The following CHD2 variants were observed in gnomAD, a reference collection of about 807,000 sequenced individuals.
CHD2 encodes the protein ATP-dependent chromatin remodeler CHD2.
In CHD2, 28 loss-of-function variants were observed where a neutral mutation model predicts 243.9. The observed-to-expected ratio is 0.11, with a 90% CI of 0.09 to 0.16. CHD2 has a LOEUF of 0.16. Among genes scored for constraint, CHD2 ranks in the 10% least tolerant of loss-of-function variants. The probability of loss-of-function intolerance (pLI) is 1.00; values close to 1 mark genes in which losing one functional copy is unlikely to be tolerated. For synonymous variants in CHD2, 775 were observed against 779.0 expected (o/e 0.99, Z 0.09); for missense variants, 1,386 against 2,209.8 (o/e 0.63, Z 7.47).
rs1229230473 is a variant in CHD2 at position 93,000,626 on chromosome 15, G to A, written c.4123G>A (p.Glu1375Lys). Residue 1375 changes from glutamate to lysine, a missense_variant, in exon 32 of 39, where the codon GAG (glutamate) becomes AAG (lysine). Glu to Lys is a moderately conservative substitution (Grantham distance 56, BLOSUM62 1). Around this residue, in one of 19 missense-constraint regions of CHD2, gnomAD observed 125 missense variants for 128.9 expected, o/e 0.97. Transcript: ENST00000394196. Reference sequence around the variant, plus strand: ...TAGGCATTCAGATAATCCATCAGAAGAGGGAGAAGTGAAAGTATGAAGTGG... The same window carrying A: ...TAGGCATTCAGATAATCCATCAGAAAAGGGAGAAGTGAAAGTATGAAGTGG... The part of the protein sequence containing the change: ...SPRHSDNPSE[E>K]GEVKDDGLEK... 1 of 1,612,144 alleles carries A rather than the reference G, an allele frequency of 6.2e-7. No individual in the cohort carries two copies. The highest frequency in any genetic ancestry group is 1.1e-5 in the South Asian group (1 of 90,876).
chr15:93,019,904 G>GC (rs1422621052), intron 37 of CHD2, 108 bp from the exon 38 acceptor site: 1 of 1,366,214 alleles, frequency 7.3e-7, no homozygotes, highest in African/African-American at 1.5e-5. Context: ...CTGCACTCCA[G>GC]CCTGGGCAAA....
At chr15:93,005,548 T>C (rs1488214213) in intron 34 of CHD2, among the ~76,000 whole-genome samples, 1 of 152,122 alleles carries the variant, frequency 6.6e-6, no homozygotes, top group African/African-American at 2.4e-5. Flanking sequence ...GAAAAAGCGG[T>C]TTTCTTTCAA....
chr15:93,001,846 C>T (rs1261657843), intron 32 of CHD2, among the ~76,000 whole-genome samples: 1 of 152,146 alleles, frequency 6.6e-6, no homozygotes, highest in African/African-American at 2.4e-5. Context: ...ATACTAGCAA[C>T]CTAATCAGTT....
intron 26 of CHD2, among the ~76,000 whole-genome samples, chr15:92,986,767 A>T (rs1320962755): frequency 6.6e-6 from 1 of 152,198 alleles, no homozygotes; most frequent in African/African-American, 2.4e-5. Context: ...TCTCTTGCAC[A>T]GGCTGGAGTA....
intron 26 of CHD2, among the ~76,000 whole-genome samples, chr15:92,990,970 A>C (rs2141859235): frequency 6.6e-6 from 1 of 152,346 alleles, no homozygotes; most frequent in Non-Finnish European, 1.5e-5. Context: ...ATCATATTTT[A>C]CTGTGCCTTA....
chr15:92,932,973 C>T (rs1349337094), intron 5 of CHD2, among the ~76,000 whole-genome samples: 1 of 151,772 alleles, frequency 6.6e-6, no homozygotes, highest in African/African-American at 2.4e-5. Flanking sequence ...GAACTCCTGA[C>T]CTCAGGTGAT....
intron 2 of CHD2, among the ~76,000 whole-genome samples, chr15:92,922,960 C>T (rs1462659222): frequency 6.6e-6 from 1 of 152,078 alleles, no homozygotes; most frequent in Non-Finnish European, 1.5e-5. Flanking sequence ...GGTTGCTGCT[C>T]CCTATGGGAT....
At chr15:92,902,063 A>G (rs2052536293) in intron 2 of CHD2, 1 of 395,650 alleles carries the variant, frequency 2.5e-6, no homozygotes, top group African/African-American at 2.1e-5. Flanking sequence ...CATTTAAATT[A>G]TTTTAAGGTT....
At chr15:92,989,067 T>C (rs1157668673) in intron 26 of CHD2, among the ~76,000 whole-genome samples, 1 of 143,158 alleles carries the variant, frequency 7.0e-6, no homozygotes, top group Non-Finnish European at 1.5e-5. Context: ...GTTTTGCTCC[T>C]ATCACCCAGG....
intron 2 of CHD2, among the ~76,000 whole-genome samples, chr15:92,922,413 C>G (rs528969119): frequency 2.6e-5 from 4 of 152,272 alleles, no homozygotes; most frequent in Non-Finnish European, 5.9e-5. Context: ...TTCCCCACTT[C>G]CCAGTATTGA....
At chr15:92,917,164 G>A (rs2052855000) in intron 2 of CHD2, among the ~76,000 whole-genome samples, 2 of 152,120 alleles carry the variant, frequency 1.3e-5, no homozygotes. Flanking sequence ...CAAGTTACTT[G>A]TCTTTTAACC....
chr15:92,956,069 G>T (rs567558957), intron 15 of CHD2, among the ~76,000 whole-genome samples: 2 of 152,302 alleles, frequency 1.3e-5, no homozygotes, highest in East Asian at 3.9e-4. Context: ...GTTGAGTTTG[G>T]TGGCTCTTGG....
intron 37 of CHD2, among the ~76,000 whole-genome samples, chr15:93,019,071 A>G (rs1338673380): frequency 6.6e-6 from 1 of 152,244 alleles, no homozygotes; most frequent in Admixed American, 6.5e-5. Flanking sequence ...AAAGGATTGT[A>G]GTTTGGCCTT....
At chr15:92,942,288 TGTG>T (rs1055717241) in intron 8 of CHD2, among the ~76,000 whole-genome samples, 8 of 152,240 alleles carry the variant, frequency 5.3e-5, no homozygotes, top group Admixed American at 1.3e-4. Context: ...AAATAAATAT[TGTG>T]GTAATATTGA....
intron 31 of CHD2, 68 bp from the exon 32 acceptor site, chr15:93,000,444 A>T (rs552518921): frequency 6.9e-7 from 1 of 1,456,684 alleles, no homozygotes; most frequent in African/African-American, 1.4e-5. Context: ...AAGAGTCATC[A>T]TGTTGTTTGG....
chr15:92,965,688 A>G (rs371817568), intron 16 of CHD2, among the ~76,000 whole-genome samples: 66 of 152,058 alleles, frequency 4.3e-4, no homozygotes, highest in African/African-American at 1.6e-3. Context: ...AAAAGCAGCC[A>G]TAGAGAATTC....
rs1176813426 is a variant in CHD2, at chr15:92,980,800, A to AT, written c.2877-11dup. 1 of 1,595,744 alleles carries AT rather than the reference A, an allele frequency of 6.3e-7. No homozygotes were observed. Among genetic ancestry groups the AT allele is most frequent in the Middle Eastern group, 1.7e-4 (1 of 6,042 alleles). On this transcript the variant is annotated splice_polypyrimidine_tract_variant and intron_variant, in intron 22 of 38. Coordinates refer to ENST00000394196, the MANE Select transcript of CHD2 (RefSeq NM_001271.4). ...GTTATTTGATGTTTCTAACAACTACATTTTACTTCCACAGCTCAAATCCTT... is the reference window on the plus strand; with the variant it reads ...GTTATTTGATGTTTCTAACAACTACATTTTTACTTCCACAGCTCAAATCCTT...
Position 92,916,976 on chromosome 15 carries a change from T to G in CHD2, c.63-7345T>G, listed in dbSNP as rs1596373337. 2.0e-5 allele frequency among the ~76,000 whole-genome samples: 3 copies of G among 152,080 alleles called. No individual in the cohort carries two copies. In the East Asian group the frequency reaches 5.8e-4, roughly 29 times the overall value. On this transcript the variant is annotated intron_variant, in intron 2 of 38. Coordinates refer to ENST00000394196, the MANE Select transcript of CHD2 (RefSeq NM_001271.4). ...ATAATGTTTCCCAAGTTAACAGAGG[T>G]TTAGTTATTTTTAAAAATGAGTTTA...
intron 6 of CHD2, among the ~76,000 whole-genome samples, chr15:92,939,047 C>CT (rs34010474): frequency 0.39 from 58,652 of 149,076 alleles, 12,155 homozygotes; most frequent in East Asian, 0.84. Context: ...ACAAAAAACT[C>CT]TTTTTTTTTT....
Sources: allele counts gnomAD v4.1 joint callset (sites outside exome capture counted in the v4.1 genomes callset), GRCh38; gene constraint gnomAD v4.1.1; regional missense constraint gnomAD v4.1.1; transcripts MANE v1.5; gene names NCBI Gene and HGNC (gene_info 2026-07-23, HGNC 2026-07-21).